KMT2E: variants seen among roughly 807,000 people sequenced by gnomAD.
The protein encoded by KMT2E is histone reader KMT2E.
A neutral mutation model predicts 184.6 loss-of-function variants in KMT2E; 30 were observed. That is an observed-to-expected ratio of 0.16 (90% CI 0.12 to 0.22). The LOEUF (loss-of-function observed/expected upper bound fraction) is 0.22. KMT2E is among the 10% of genes least tolerant of loss of function. The probability of loss-of-function intolerance (pLI) is 1.00; values close to 1 mark genes in which losing one functional copy is unlikely to be tolerated. For synonymous variants in KMT2E, 815 were observed against 776.5 expected (o/e 1.05, Z -0.82); for missense variants, 2,023 against 2,237.4 (o/e 0.90, Z 1.93).
At chr7:105,032,464 A>G (rs1795461995) in intron 1 of KMT2E, among the ~76,000 whole-genome samples, 1 of 152,182 alleles carries the variant, frequency 6.6e-6, no homozygotes. Flanking sequence ...AAGCGTTTGC[A>G]GGATTTTAAA....
intron 3 of KMT2E, among the ~76,000 whole-genome samples, chr7:105,051,164 C>T (rs1796331496): frequency 6.9e-6 from 1 of 145,166 alleles, no homozygotes; most frequent in African/African-American, 2.7e-5. Context: ...TCCCTTTCTT[C>T]CTTCCTTCCT....
chr7:105,048,634 AT>A (rs1422544129), intron 3 of KMT2E, among the ~76,000 whole-genome samples: 3 of 152,202 alleles, frequency 2.0e-5, no homozygotes, highest in Non-Finnish European at 4.4e-5. Flanking sequence ...GGAATTTAGA[AT>A]TAAATTTAGA....
chr7:105,101,538 T>G lies in KMT2E; in HGVS notation c.1836T>G (p.Val612=). The G allele has an allele frequency of 6.3e-7, 1 of 1,584,240 alleles. No individual in the cohort carries two copies. Among genetic ancestry groups the G allele is most frequent in the Non-Finnish European group, 8.6e-7 (1 of 1,169,546 alleles). The change falls in exon 16 of 27, where the codon GTT becomes GTG. Residue 612 remains valine (V), a synonymous_variant. Coordinates refer to ENST00000311117, the MANE Select transcript of KMT2E (RefSeq NM_182931.3). ...GGATCAGCACAGCCAAAACTGAAGT[T>G]AAAACTGAATGTAAAGATACACAGA... ...LERISTAKTE[V]KTECKDTQIV... is the part of the protein sequence containing the mutation.
chr7:105,033,191 C>T (rs765938274), intron 1 of KMT2E, among the ~76,000 whole-genome samples: 2 of 152,202 alleles, frequency 1.3e-5, no homozygotes, highest in Non-Finnish European at 2.9e-5. Context: ...GAGATTAAAA[C>T]TATTTTTTCA....
At chr7:105,071,480 C>G (rs966732263) in intron 6 of KMT2E, among the ~76,000 whole-genome samples, 2 of 149,294 alleles carry the variant, frequency 1.3e-5, no homozygotes, top group African/African-American at 4.9e-5. Context: ...CATTGTCATG[C>G]CTCAGCCTGC....
intron 3 of KMT2E, among the ~76,000 whole-genome samples, chr7:105,042,708 T>C (rs1223772353): frequency 6.6e-6 from 1 of 152,224 alleles, no homozygotes; most frequent in African/African-American, 2.4e-5. Flanking sequence ...ACAATTGTCA[T>C]ACCAAACTTC....
intron 12 of KMT2E, among the ~76,000 whole-genome samples, chr7:105,079,412 G>A (rs964029012): frequency 1.3e-5 from 2 of 150,202 alleles, no homozygotes; most frequent in Admixed American, 6.6e-5. Flanking sequence ...CTGGGATTAC[G>A]AGTGTAAGCC....
chr7:105,060,672 G>A (rs1230036799), intron 3 of KMT2E, among the ~76,000 whole-genome samples: 1 of 151,984 alleles, frequency 6.6e-6, no homozygotes, highest in Non-Finnish European at 1.5e-5. Flanking sequence ...CAGGCTTCAA[G>A]TGACCCTCCT....
At chr7:105,057,378 G>C (rs1176455545) in intron 3 of KMT2E, among the ~76,000 whole-genome samples, 1 of 152,072 alleles carries the variant, frequency 6.6e-6, no homozygotes, top group Non-Finnish European at 1.5e-5. Context: ...CCAGTTGGCC[G>C]TTACTTAGCT....
chr7:105,020,122 AG>A (rs1473777234), intron 1 of KMT2E, among the ~76,000 whole-genome samples: 7 of 151,440 alleles, frequency 4.6e-5, no homozygotes, highest in African/African-American at 1.7e-4. Flanking sequence ...AAAAAAAAAA[AG>A]TAAATAAGTA....
chr7:105,067,066 TAAAAAAAAAA>T (rs11457088), intron 6 of KMT2E, among the ~76,000 whole-genome samples: 2 of 115,470 alleles, frequency 1.7e-5, no homozygotes, highest in Admixed American at 2.0e-4. Flanking sequence ...CTTTTTTTTT[TAAAAAAAAAA>T]AAAAAAAAGA....
At chr7:105,105,202 A>G in intron 17 of KMT2E, 1 of 361,344 alleles carries the variant, frequency 2.8e-6, no homozygotes, top group Non-Finnish European at 4.9e-6. Flanking sequence ...TAATATAAAT[A>G]TTTAAAAAGC....
chr7:105,041,735 G>A (rs1229467997), intron 3 of KMT2E, among the ~76,000 whole-genome samples: 1 of 152,114 alleles, frequency 6.6e-6, no homozygotes, highest in Non-Finnish European at 1.5e-5. Flanking sequence ...TTGTATAATT[G>A]AAGATTCTAA....
chr7:105,038,962 G>T (rs956725782), intron 2 of KMT2E, among the ~76,000 whole-genome samples: 4 of 152,100 alleles, frequency 2.6e-5, no homozygotes, highest in African/African-American at 4.8e-5. Context: ...CTGCAGTTCT[G>T]TTTCAGATGT....
chr7:105,108,092 A>G (rs1407767304), intron 22 of KMT2E, among the ~76,000 whole-genome samples, 167 bp downstream of exon 22: 2 of 152,120 alleles, frequency 1.3e-5, no homozygotes, highest in African/African-American at 4.8e-5. Context: ...TAATTAGAAA[A>G]TGTTTACAGA....
rs768601012 is a variant in KMT2E, at chr7:105,062,240, T to C, written c.148T>C (p.Ser50Pro). The C allele has an allele frequency of 6.2e-7, 1 of 1,613,556 alleles. No homozygotes were observed. Among genetic ancestry groups the C allele is most frequent in the East Asian group, 2.2e-5 (1 of 44,830 alleles). ...TCCCCACCAGTTATATACCAGCAGC[T>C]CACATCATTCACACAGTTACATTGG... ...SYPHQLYTSS[S>P]HHSHSYIGLP... is the part of the protein sequence containing the mutation. The change falls in exon 4 of 27, where the codon TCA (serine) becomes CCA (proline). Residue 50 changes from serine to proline, a missense_variant. Transcript: ENST00000311117.
At position 105,113,263 on chromosome 7, in the gene KMT2E, A is replaced by C; in HGVS notation, c.5507A>C (p.Gln1836Pro). 6.2e-7 allele frequency: 1 copy of C among 1,614,164 alleles called. No homozygotes were observed. Among genetic ancestry groups the C allele is most frequent in the Non-Finnish European group, 8.5e-7 (1 of 1,179,988 alleles). ...CAGCAGGCATCTCCAGTGCCTGGACAGATTCCAATTCACAGAGCACAGGTG... is the reference window on the plus strand; with the variant it reads ...CAGCAGGCATCTCCAGTGCCTGGACCGATTCCAATTCACAGAGCACAGGTG... ...GPQQASPVPG[Q>P]IPIHRAQVPP... is the part of the protein sequence containing the mutation. Residue 1836 changes from glutamine to proline, a missense_variant, in exon 27 of 27, where the codon CAG becomes CCG. Gln to Pro is a moderately conservative substitution (Grantham distance 76). Around this residue, in one of 8 missense-constraint regions of KMT2E, gnomAD observed 1,108 missense variants for 1,050.9 expected, o/e 1.05. Transcript: ENST00000311117.
chr7:105,064,164 GTTTTTTTTTT>G (rs66946883), intron 5 of KMT2E: 831 of 76,146 alleles, frequency 0.011, 4 homozygotes, highest in Non-Finnish European at 0.015. Context: ...TTTTTTCTTG[GTTTTTTTTTT>G]TTTTTTTTTT....
intron 15 of KMT2E, among the ~76,000 whole-genome samples, chr7:105,096,829 C>T (rs769969462): frequency 7.9e-5 from 12 of 152,276 alleles, no homozygotes; most frequent in Middle Eastern, 6.8e-3. Context: ...GCAGGATTCC[C>T]CACAATTTTC....
Sources: allele counts gnomAD v4.1 joint callset (sites outside exome capture counted in the v4.1 genomes callset), GRCh38; gene constraint gnomAD v4.1.1; regional missense constraint gnomAD v4.1.1; transcripts MANE v1.5; gene names NCBI Gene and HGNC (gene_info 2026-07-23, HGNC 2026-07-21).